Variants in PELI2 observed in about 807,000 individuals in gnomAD.
PELI2 encodes E3 ubiquitin-protein ligase pellino homolog 2.
PELI2 carries 23 observed loss-of-function variants against 42.3 expected under a neutral mutation model. The ratio of observed to expected loss-of-function variants is 0.54; its 90% CI spans 0.39 to 0.77. PELI2 has a LOEUF of 0.77. Among genes scored for constraint, PELI2 ranks in the 30% least tolerant of loss-of-function variants. The pLI, the probability that PELI2 is intolerant of heterozygous loss-of-function variation, is 0.00. For missense variants in PELI2, 463 were observed against 553.2 expected (o/e 0.84, Z 1.64); for synonymous variants, 245 against 212.2 (o/e 1.15, Z -1.34).
At chr14:56,196,942 C>T (rs1226257215) in intron 2 of PELI2, among the ~76,000 whole-genome samples, 1 of 152,234 alleles carries the variant, frequency 6.6e-6, no homozygotes, top group Non-Finnish European at 1.5e-5. Context: ...TCTTGTTTTG[C>T]ATAAGAAGTG....
intron 5 of PELI2, chr14:56,292,935 A>T (rs1889878620): frequency 3.9e-6 from 2 of 512,360 alleles, no homozygotes; most frequent in South Asian, 1.7e-4. Context: ...GAAGTATTTT[A>T]TTAAACTAAA....
chr14:56,225,748 G>A (rs1052824929), intron 2 of PELI2, among the ~76,000 whole-genome samples: 2 of 152,170 alleles, frequency 1.3e-5, no homozygotes, highest in African/African-American at 4.8e-5. Context: ...AGAGCCTGGA[G>A]AAAACCTATC....
At chr14:56,149,667 T>G (rs142926563) in intron 1 of PELI2, among the ~76,000 whole-genome samples, 1 of 152,216 alleles carries the variant, frequency 6.6e-6, no homozygotes, top group African/African-American at 2.4e-5. Context: ...AGATTAATTT[T>G]TACCTGACCT....
At chr14:56,203,995 A>G (rs892717622) in intron 2 of PELI2, among the ~76,000 whole-genome samples, 4 of 152,220 alleles carry the variant, frequency 2.6e-5, no homozygotes, top group African/African-American at 7.2e-5. Context: ...AGAAAAAATA[A>G]TGGCAGTTCC....
chr14:56,142,848 G>T (rs930852341), intron 1 of PELI2, among the ~76,000 whole-genome samples: 2 of 151,814 alleles, frequency 1.3e-5, no homozygotes, highest in African/African-American at 4.8e-5. Flanking sequence ...TTAAACTACA[G>T]CTTTTTTTCT....
intron 2 of PELI2, among the ~76,000 whole-genome samples, chr14:56,184,858 C>T (rs1243022462): frequency 6.6e-6 from 1 of 152,004 alleles, no homozygotes; most frequent in East Asian, 1.9e-4. Context: ...TATTGCTTAG[C>T]TTGTGACAGA....
rs34029214 is a variant in PELI2, at chr14:56,254,396, C to CAAAA, written c.208-25268_208-25265dup. 7.0e-4 allele frequency among the ~76,000 whole-genome samples: 96 copies of CAAAA among 137,184 alleles called. 2 individuals are homozygous for CAAAA. The highest frequency in any genetic ancestry group is 2.3e-3 in the African/African-American group (87 of 37,080). 90.0% of individuals were successfully genotyped at this position (137,184 alleles called of 152,430 possible). On this transcript the variant is annotated intron_variant, in intron 2 of 5. Transcript: ENST00000267460. ...CTGGTGACAGAGCAAGACTCCATCT[C>CAAAA]AAAAAAAAAAAAAAATGGTGTTGGG...
At chr14:56,244,653 T>A (rs758867566) in intron 2 of PELI2, among the ~76,000 whole-genome samples, 47 of 152,184 alleles carry the variant, frequency 3.1e-4, no homozygotes, top group Admixed American at 3.9e-4. Context: ...GAAAACTCCA[T>A]CACTGAATGT....
intron 2 of PELI2, among the ~76,000 whole-genome samples, chr14:56,203,562 G>C (rs955407005): frequency 2.6e-5 from 4 of 151,970 alleles, no homozygotes; most frequent in Admixed American, 2.6e-4. Flanking sequence ...TCTCAGAGTT[G>C]GACAGTGAAG....
At chr14:56,277,250 G>A (rs1357970671) in intron 2 of PELI2, among the ~76,000 whole-genome samples, 5 of 152,104 alleles carry the variant, frequency 3.3e-5, no homozygotes, top group African/African-American at 1.2e-4. Context: ...ATTTATAGCC[G>A]CTCCCCATTG....
At chr14:56,170,004 C>T (rs747293957) in intron 1 of PELI2, among the ~76,000 whole-genome samples, 7 of 152,204 alleles carry the variant, frequency 4.6e-5, no homozygotes, top group Non-Finnish European at 1.0e-4. Context: ...GGGTGAGCTA[C>T]CTCAAGACTG....
At chr14:56,162,069 A>G (rs1443515612) in intron 1 of PELI2, among the ~76,000 whole-genome samples, 2 of 152,250 alleles carry the variant, frequency 1.3e-5, no homozygotes, top group Non-Finnish European at 2.9e-5. Flanking sequence ...TGAAATAACC[A>G]CATTATGGAG....
chr14:56,226,745 C>T (rs1359417265), intron 2 of PELI2, among the ~76,000 whole-genome samples: 1 of 152,172 alleles, frequency 6.6e-6, no homozygotes, highest in Non-Finnish European at 1.5e-5. Flanking sequence ...CCTGGGATGT[C>T]TCCATTACAA....
intron 2 of PELI2, among the ~76,000 whole-genome samples, chr14:56,232,211 A>G (rs1887606686): frequency 6.6e-6 from 1 of 152,150 alleles, no homozygotes; most frequent in Admixed American, 6.5e-5. Flanking sequence ...TCCTTCTGAA[A>G]CTATTCCAAT....
intron 2 of PELI2, among the ~76,000 whole-genome samples, chr14:56,203,452 A>AGT (rs148938211): frequency 0.012 from 1,770 of 151,440 alleles, 27 homozygotes; most frequent in African/African-American, 0.031. Flanking sequence ...CACACATACT[A>AGT]GTGTGTGTGT....
chr14:56,141,405 A>G (rs1883902178), intron 1 of PELI2, among the ~76,000 whole-genome samples: 1 of 152,204 alleles, frequency 6.6e-6, no homozygotes, highest in African/African-American at 2.4e-5. Context: ...CAGTTGGGCA[A>G]CTAAACATCT....
At chr14:56,185,916 TTCTG>T (rs1408523291) in intron 2 of PELI2, among the ~76,000 whole-genome samples, 2 of 152,152 alleles carry the variant, frequency 1.3e-5, no homozygotes, top group Non-Finnish European at 2.9e-5. Flanking sequence ...GGAGAATAAT[TTCTG>T]TCCCCATTCT....
chr14:56,285,059 A>C (rs889270299), intron 3 of PELI2, among the ~76,000 whole-genome samples: 1 of 152,246 alleles, frequency 6.6e-6, no homozygotes, highest in Non-Finnish European at 1.5e-5. Context: ...GATTTTAAGC[A>C]GGAGAGAGGT....
In PELI2 at chr14:56,242,374, T is replaced by C. The variant is rs183252550; in HGVS notation, c.208-37302T>C. Among the ~76,000 whole-genome samples, 8 of 152,258 alleles carry C rather than the reference T, an allele frequency of 5.3e-5. No homozygotes were observed. In the East Asian group the frequency reaches 1.5e-3, roughly 29 times the overall value. ...AACAAAATTATTTTATATTAGCAGC[T>C]TGGGGGAGGAGAGTCTGTGTGAGGA... On this transcript the variant is annotated intron_variant, in intron 2 of 5. Coordinates refer to ENST00000267460, the MANE Select transcript of PELI2 (RefSeq NM_021255.3).
Sources: gnomAD v4.1 joint callset for allele counts (sites outside exome capture counted in the v4.1 genomes callset) on GRCh38, gnomAD v4.1.1 for gene constraint, MANE v1.5 for transcripts, NCBI Gene and HGNC (gene_info 2026-07-23, HGNC 2026-07-21) for gene names.